ATG16L2: variants seen among roughly 807,000 people sequenced by gnomAD.
ATG16L2 encodes the protein protein Atg16l2.
ATG16L2 carries 77 observed loss-of-function variants against 84.7 expected under a neutral mutation model. That is an observed-to-expected ratio of 0.91 (90% CI 0.76 to 1.10). ATG16L2 has a LOEUF of 1.10. Among genes scored for constraint, ATG16L2 ranks in the 50% least tolerant of loss-of-function variants. The probability of loss-of-function intolerance (pLI) is 0.00; values close to 1 mark genes in which losing one functional copy is unlikely to be tolerated. For missense variants in ATG16L2, 782 were observed against 817.6 expected (o/e 0.96, Z 0.53); for synonymous variants, 361 against 342.8 (o/e 1.05, Z -0.59).
At chr11:72,843,286 A>G in exon 6 of ATG16L2, 1 of 1,614,032 alleles carries the variant, frequency 6.2e-7, no homozygotes, top group East Asian at 2.2e-5. Context: ...AACTGTAGGT[A>G]CTTTTCTGGC....
chr11:72,827,189 C>T lies in ATG16L2; in HGVS notation c.1368C>T (p.Cys456=). ...VKEWDLGRAY[C]SRTINVLSYC... ...TGGGGTCTGCTGCTTGGTCCCCAGG[C>T]TCCAGGACCATCAATGTCCTTTCCT... Residue 456 remains cysteine (C), a splice_region_variant and synonymous_variant, in exon 14 of 18, where the codon TGC becomes TGT. Transcript: ENST00000321297. 1 of 1,613,358 alleles carries T rather than the reference C, an allele frequency of 6.2e-7. No homozygotes were observed. Among genetic ancestry groups the T allele is most frequent in the Non-Finnish European group, 8.5e-7 (1 of 1,179,280 alleles).
chr11:72,821,945 G>A, intron 4 of ATG16L2, 99 bp from the exon 5 acceptor site: 5 of 1,430,218 alleles, frequency 3.5e-6, no homozygotes, highest in Non-Finnish European at 4.6e-6. Flanking sequence ...GGCTAGCCGC[G>A]TTTGGCATGG....
intron 9 of ATG16L2, 23 bp from the exon 10 acceptor site, chr11:72,825,279 A>C: frequency 6.2e-7 from 1 of 1,601,204 alleles, no homozygotes; most frequent in Non-Finnish European, 8.5e-7. Flanking sequence ...GGGCCGGGGC[A>C]CCAACCTCCC....
At chr11:72,839,832 T>C (rs945677764) in intron 5 of ATG16L2, among the ~76,000 whole-genome samples, 1 of 152,188 alleles carries the variant, frequency 6.6e-6, no homozygotes, top group Non-Finnish European at 1.5e-5. Flanking sequence ...ATGGTTATCA[T>C]AGCTGTGGAA....
At chr11:72,824,201 C>T (rs934217236) in intron 8 of ATG16L2, 79 bp downstream of exon 8, 17 of 1,544,064 alleles carry the variant, frequency 1.1e-5, no homozygotes, top group Middle Eastern at 1.7e-4. Flanking sequence ...GTCTGTGCCT[C>T]GACCTGTCCA....
downstream of ATG16L2, among the ~76,000 whole-genome samples, chr11:72,831,585 C>T (rs1459323693): frequency 2.0e-5 from 3 of 152,200 alleles, no homozygotes; most frequent in Non-Finnish European, 4.4e-5. Flanking sequence ...TTCTTCGATA[C>T]TCAGCCTTCT....
rs760194771 is a variant in ATG16L2 at position 72,829,367 on chromosome 11, A to G, written c.1837A>G (p.Arg613Gly). 1.1e-5 allele frequency: 18 copies of G among 1,612,106 alleles called. No individual in the cohort carries two copies. The East Asian group carries it at 1.8e-4, about 16-fold the overall frequency. ...CCACATGGTGAGCGTGGACCAGGGC[A>G]GGAAGGTTGTGCTCTGGCAGTAGGG... ...GSHMVSVDQG[R>G]KVVLWQ The change falls in exon 18 of 18, where the codon AGG becomes GGG. Residue 613 changes from arginine (R) to glycine (G), a missense_variant. Arg to Gly is a moderately radical substitution (Grantham distance 125, BLOSUM62 -2). Coordinates refer to ENST00000321297, the MANE Select transcript of ATG16L2 (RefSeq NM_033388.2).
rs1257416292 is a variant in ATG16L2, at chr11:72,822,429, G to T, written c.645-49G>T. On this transcript the variant is annotated intron_variant, in intron 5 of 17. Coordinates refer to ENST00000321297, the MANE Select transcript of ATG16L2 (RefSeq NM_033388.2). This position sits in a 1 kb window ranked among gnomAD's most constrained non-coding sequence, Gnocchi z 4.2. ...GAAGGGACCGGGTCTAGCCCCGCCT[G>T]CGTGCGAGGCGCCGCGCCAGGGTCT... is the stretch of plus-strand genomic sequence containing the variant. 7 of 1,611,434 alleles carry T rather than the reference G, an allele frequency of 4.3e-6. No individual in the cohort carries two copies. In the Admixed American group the frequency reaches 1.2e-4, roughly 27 times the overall value.
Position 72,841,435 on chromosome 11 carries a change from T to C in ATG16L2, c.*22-1182T>C, listed in dbSNP as rs777604074. On this transcript the variant is annotated intron_variant, in intron 5 of 5. Coordinates refer to the ATG16L2 transcript ENST00000534905. ...TGAAGTGAAAATGCATTTAGACCCATGCCCAGGAGAACCCTTACCGTTTGC... is the reference window on the plus strand; with the variant it reads ...TGAAGTGAAAATGCATTTAGACCCACGCCCAGGAGAACCCTTACCGTTTGC... 9.4e-6 allele frequency: 15 copies of C among 1,602,382 alleles called. No individual in the cohort carries two copies. In the South Asian group the frequency reaches 1.6e-4, roughly 17 times the overall value.
At chr11:72,839,326 T>G (rs1238030520) in intron 5 of ATG16L2, among the ~76,000 whole-genome samples, 1 of 152,212 alleles carries the variant, frequency 6.6e-6, no homozygotes, top group Non-Finnish European at 1.5e-5. Context: ...AATAAATCTG[T>G]GCTTTATTCT....
rs941161570 is a variant in ATG16L2 at position 72,825,290 on chromosome 11, C to T, written c.997-12C>T. 3 of 1,611,658 alleles carry T rather than the reference C, an allele frequency of 1.9e-6. No individual in the cohort carries two copies. The highest frequency in any genetic ancestry group is 4.5e-5 in the East Asian group (2 of 44,856). On this transcript the variant is annotated splice_polypyrimidine_tract_variant and intron_variant, in intron 9 of 17. Coordinates refer to ENST00000321297, the MANE Select transcript of ATG16L2 (RefSeq NM_033388.2). Reference sequence around the variant, plus strand: ...GGGAGGGCCGGGGCACCAACCTCCCCTTTCCCCACAGGATGCCCACCTCTC... The same window carrying T: ...GGGAGGGCCGGGGCACCAACCTCCCTTTTCCCCACAGGATGCCCACCTCTC...
intron 3 of ATG16L2, among the ~76,000 whole-genome samples, chr11:72,819,491 T>TA (rs929076582): frequency 9.9e-5 from 15 of 151,936 alleles, no homozygotes; most frequent in African/African-American, 2.7e-4. Context: ...AGCCATAGAG[T>TA]AAAAAGTAAA....
Position 72,843,007 on chromosome 11 carries a change from C to A in ATG16L2, c.*412C>A, listed in dbSNP as rs769191117. On this transcript the variant is annotated 3_prime_UTR_variant, in exon 6 of 6. Coordinates refer to the ATG16L2 transcript ENST00000534905. The stretch of plus-strand genomic sequence containing the variant: ...TGATTAACTTTAGGGTTCTACTGTG[C>A]AGGACAAACGTGACCATATAAAGAA... The A allele has an allele frequency of 1.9e-5, 17 of 914,956 alleles. No homozygotes were observed. Among genetic ancestry groups the A allele is most frequent in the Non-Finnish European group, 2.7e-5 (16 of 602,606 alleles). 56.7% of individuals were successfully genotyped at this position (914,956 alleles called of 1,614,324 possible). A position where few individuals can be genotyped will look rare whatever the true frequency, so the allele number is the denominator to read the frequency against.
chr11:72,819,686 C>G (rs1482821313), intron 3 of ATG16L2, among the ~76,000 whole-genome samples: 1 of 152,184 alleles, frequency 6.6e-6, no homozygotes, highest in Non-Finnish European at 1.5e-5. Context: ...CCAGGACACA[C>G]ACCAGCCAGT....
chr11:72,826,029 AGAACAGACCCAGC>A (rs1196606701), intron 10 of ATG16L2, 131 bp from the exon 11 acceptor site: 3 of 667,632 alleles, frequency 4.5e-6, no homozygotes, highest in Non-Finnish European at 7.6e-6. Context: ...CCAGGCCCGC[AGAACAGACCCAGC>A]GATTCTGTCT....
chr11:72,824,704 C>G (rs960336680), intron 8 of ATG16L2, 30 bp from the exon 9 acceptor site: 17 of 1,558,058 alleles, frequency 1.1e-5, no homozygotes, highest in Non-Finnish European at 1.5e-5. Flanking sequence ...TTGCTGAATG[C>G]CCTCCTGACC....
chr11:72,822,176 G>A lies in ATG16L2; in HGVS notation c.525G>A (p.Gly175=). ...ACGAGGCGCTGCGCGCGCACGTCGG[G>A]CTCCGGGAGGCGGCACTGCGCAGGC... ...AAYEALRAHV[G]LREAALRRLQ... The change falls in exon 5 of 18, where the codon GGG becomes GGA. Residue 175 remains glycine, a synonymous_variant. Transcript: ENST00000321297. The surrounding 1 kb of genome is among the most constrained non-coding windows in gnomAD (Gnocchi z 4.2). 6.7e-7 allele frequency: 1 copy of A among 1,497,644 alleles called. No homozygotes were observed. Among genetic ancestry groups the A allele is most frequent in the Non-Finnish European group, 8.8e-7 (1 of 1,133,492 alleles). The allele number at this position is 1,497,644 out of a possible 1,614,324, so 92.8% of individuals were successfully genotyped here.
chr11:72,836,783 A>G (rs1431250573), intron 5 of ATG16L2: 1 of 152,620 alleles, frequency 6.6e-6, no homozygotes, highest in Non-Finnish European at 1.5e-5. Flanking sequence ...TTTATACATA[A>G]TAAATACAAA....
chr11:72,828,115 G>A (rs956321787), intron 14 of ATG16L2, among the ~76,000 whole-genome samples: 4 of 152,108 alleles, frequency 2.6e-5, no homozygotes, highest in African/African-American at 7.2e-5. Flanking sequence ...TTCTTATTTA[G>A]TGACCCAAAG....
Sources: allele counts gnomAD v4.1 joint callset (sites outside exome capture counted in the v4.1 genomes callset), GRCh38; gene constraint gnomAD v4.1.1; non-coding constraint Gnocchi (gnomAD v3.1); transcripts MANE v1.5; gene names NCBI Gene and HGNC (gene_info 2026-07-23, HGNC 2026-07-21).